Variants in FRMD4B observed in about 807,000 individuals in gnomAD.
FRMD4B encodes the protein FERM domain containing 4B.
A neutral mutation model predicts 141.5 loss-of-function variants in FRMD4B; 74 were observed. That is an observed-to-expected ratio of 0.52 (90% CI 0.43 to 0.63). FRMD4B has a LOEUF of 0.63. Ranked by LOEUF, FRMD4B falls within the 30% of genes least tolerant of loss-of-function variation. FRMD4B has a pLI of 0.00. For synonymous variants in FRMD4B, 506 were observed against 467.9 expected (o/e 1.08, Z -1.05); for missense variants, 1,366 against 1,253.4 (o/e 1.09, Z -1.36).
chr3:69,463,712 T>C (rs569277362), intron 1 of FRMD4B, among the ~76,000 whole-genome samples: 1 of 152,302 alleles, frequency 6.6e-6, no homozygotes, highest in Non-Finnish European at 1.5e-5. Context: ...ATACTCTACA[T>C]ATAAGTTATC....
At chr3:69,361,026 CTCTTTA>C (rs1703456198) in intron 1 of FRMD4B, among the ~76,000 whole-genome samples, 1 of 152,132 alleles carries the variant, frequency 6.6e-6, no homozygotes, top group Non-Finnish European at 1.5e-5. Context: ...AAATGTTTGA[CTCTTTA>C]TCTTTATTTG....
chr3:69,398,243 T>C (rs1704503597), intron 2 of FRMD4B, among the ~76,000 whole-genome samples: 1 of 152,208 alleles, frequency 6.6e-6, no homozygotes, highest in Non-Finnish European at 1.5e-5. Flanking sequence ...TATTAGCACA[T>C]ACTACTTCTT....
At chr3:69,232,255 CAG>C (rs1244555692) in intron 7 of FRMD4B, among the ~76,000 whole-genome samples, 1 of 151,960 alleles carries the variant, frequency 6.6e-6, no homozygotes, top group Non-Finnish European at 1.5e-5. Flanking sequence ...GGGTCCTAGC[CAG>C]AGAGAATGCC....
chr3:69,466,361 AG>A (rs1705786577), intron 1 of FRMD4B, among the ~76,000 whole-genome samples: 1 of 151,994 alleles, frequency 6.6e-6, no homozygotes, highest in Non-Finnish European at 1.5e-5. Flanking sequence ...CTCTGATGAT[AG>A]TTTCTTTTGC....
At chr3:69,504,757 T>C (rs1443872720) in intron 1 of FRMD4B, among the ~76,000 whole-genome samples, 1 of 152,224 alleles carries the variant, frequency 6.6e-6, no homozygotes, top group Non-Finnish European at 1.5e-5. Context: ...TATAGGTTAA[T>C]CTTTGCACAC....
At chr3:69,287,635 G>T in intron 5 of FRMD4B, 117 bp downstream of exon 5, 2 of 670,628 alleles carry the variant, frequency 3.0e-6, no homozygotes, top group South Asian at 3.3e-5. Flanking sequence ...TCATGGAAAA[G>T]ATTGTGGCCT....
intron 1 of FRMD4B, among the ~76,000 whole-genome samples, chr3:69,438,897 T>C (rs971892761): frequency 1.3e-5 from 2 of 152,108 alleles, no homozygotes; most frequent in Non-Finnish European, 2.9e-5. Flanking sequence ...CTAACAAACG[T>C]TGTTTTTCAT....
intron 1 of FRMD4B, among the ~76,000 whole-genome samples, chr3:69,529,515 C>T (rs1015826245): frequency 6.6e-6 from 1 of 152,144 alleles, no homozygotes; most frequent in Admixed American, 6.5e-5. Context: ...CAGGCCAGAG[C>T]TCTTCCTAAC....
chr3:69,452,245 A>C (rs1333195683), intron 1 of FRMD4B, among the ~76,000 whole-genome samples: 1 of 152,272 alleles, frequency 6.6e-6, no homozygotes, highest in Non-Finnish European at 1.5e-5. Flanking sequence ...AAGCTGGACT[A>C]TTAACAAGCA....
In FRMD4B at chr3:69,275,281, A is replaced by T. The variant is rs188351211; in HGVS notation, c.501+12471T>A. Among the ~76,000 whole-genome samples the T allele has an allele frequency of 1.7e-3, 253 of 152,308 alleles. 1 individual carries two copies. The highest frequency in any genetic ancestry group is 5.8e-3 in the African/African-American group (241 of 41,570). On this transcript the variant is annotated intron_variant, in intron 5 of 22. Coordinates refer to ENST00000398540, the MANE Select transcript of FRMD4B (RefSeq NM_015123.3). The stretch of plus-strand genomic sequence containing the variant: ...AAGCATTACCTTTAACAACAGGAAA[A>T]AAAACGTCGTTGTCTTTAGTAGCAA...
intron 1 of FRMD4B, among the ~76,000 whole-genome samples, chr3:69,504,424 A>C (rs1706560441): frequency 6.6e-6 from 1 of 152,174 alleles, no homozygotes; most frequent in Non-Finnish European, 1.5e-5. Context: ...TAAGTTTGGA[A>C]CATTTTTGTC....
chr3:69,283,402 A>AACAACAACAACAAC (rs58620572), intron 5 of FRMD4B, among the ~76,000 whole-genome samples: 6 of 109,598 alleles, frequency 5.5e-5, no homozygotes, highest in South Asian at 3.1e-4. Flanking sequence ...CAACAACAAC[A>AACAACAACAACAAC]AACAAAAAAC....
At chr3:69,534,171 C>T (rs1343955624) in intron 1 of FRMD4B, among the ~76,000 whole-genome samples, 2 of 152,202 alleles carry the variant, frequency 1.3e-5, no homozygotes, top group East Asian at 3.9e-4. Context: ...CAGTCATTCA[C>T]ATCTTCCCTT....
chr3:69,505,121 G>A (rs1364624414), intron 1 of FRMD4B, among the ~76,000 whole-genome samples: 2 of 152,126 alleles, frequency 1.3e-5, no homozygotes, highest in African/African-American at 4.8e-5. Context: ...TATAATCCCA[G>A]CATTTTGGGA....
Position 69,287,758 on chromosome 3 carries a change from C to T in FRMD4B, c.495G>A (p.Val165=). 1 of 1,572,674 alleles carries T rather than the reference C, an allele frequency of 6.4e-7. No homozygotes were observed. Among genetic ancestry groups the T allele is most frequent in the South Asian group, 1.1e-5 (1 of 89,562 alleles). The part of the protein sequence containing the change: ...ELFFLNAKAC[V]HKGQIEVESE... ...TGACAAACGGGGCACCTACCTTGTG[C>T]ACACAGGCCTTTGCATTCAGGAAAA... The change falls in exon 5 of 23, where the codon GTG becomes GTA. Residue 165 remains valine (V), a synonymous_variant. Coordinates refer to ENST00000398540, the MANE Select transcript of FRMD4B (RefSeq NM_015123.3).
intron 18 of FRMD4B, among the ~76,000 whole-genome samples, chr3:69,188,438 C>T (rs2092794307): frequency 6.6e-6 from 1 of 152,152 alleles, no homozygotes; most frequent in Non-Finnish European, 1.5e-5. Flanking sequence ...CCAAACATCA[C>T]CTCACATGAA....
At chr3:69,327,305 T>G (rs1702218813) in intron 1 of FRMD4B, among the ~76,000 whole-genome samples, 1 of 152,192 alleles carries the variant, frequency 6.6e-6, no homozygotes, top group Non-Finnish European at 1.5e-5. Context: ...GTGTAACTTG[T>G]GTGAAGAGAT....
chr3:69,250,183 C>T (rs1014489098), intron 5 of FRMD4B, 84 bp from the exon 6 acceptor site: 1 of 907,022 alleles, frequency 1.1e-6, no homozygotes, highest in African/African-American at 1.6e-5. Flanking sequence ...GAAGCTGTCA[C>T]AGCTTGGCAC....
Position 69,189,884 on chromosome 3 carries a change from A to T in FRMD4B, c.1771+12T>A. 6.5e-7 allele frequency: 1 copy of T among 1,542,068 alleles called. No homozygotes were observed. Among genetic ancestry groups the T allele is most frequent in the East Asian group, 2.3e-5 (1 of 44,438 alleles). On this transcript the variant is annotated intron_variant, in intron 18 of 22. Coordinates refer to ENST00000398540, the MANE Select transcript of FRMD4B (RefSeq NM_015123.3). The stretch of plus-strand genomic sequence containing the variant: ...CTAACATTTTTAAACCAAAAAAGGA[A>T]GAGCCACTTACGATCATCATAGGTG...
Sources: gnomAD v4.1 joint callset for allele counts (sites outside exome capture counted in the v4.1 genomes callset) on GRCh38, gnomAD v4.1.1 for gene constraint, MANE v1.5 for transcripts, NCBI Gene and HGNC (gene_info 2026-07-23, HGNC 2026-07-21) for gene names.